Variants in TMEM116 observed in about 807,000 individuals in gnomAD.
TMEM116 encodes the protein transmembrane protein 116.
TMEM116 carries 38 observed loss-of-function variants against 44.3 expected under a neutral mutation model. The ratio of observed to expected loss-of-function variants is 0.86; its 90% CI spans 0.66 to 1.12. TMEM116 has a LOEUF of 1.12. Among genes scored for constraint, TMEM116 ranks in the 50% most tolerant of loss-of-function variants. The pLI is 0.00. For synonymous variants in TMEM116, 132 were observed against 144.8 expected, an observed-to-expected ratio of 0.91 and a Z score of 0.64; for missense variants, 354 against 401.7, an observed-to-expected ratio of 0.88 and a Z score of 1.01.
intron 4 of TMEM116, among the ~76,000 whole-genome samples, chr12:111,970,337 A>G (rs1172987582): frequency 6.6e-6 from 1 of 152,008 alleles, no homozygotes. Flanking sequence ...ACATGGGGGA[A>G]AAAAGCATGC....
intron 8 of TMEM116, 196 bp downstream of exon 8, chr12:111,936,496 T>C: frequency 1.9e-6 from 1 of 537,402 alleles, no homozygotes; most frequent in Non-Finnish European, 3.2e-6. Context: ...AGCTCTTTTC[T>C]CTCTCTTATC....
intron 4 of TMEM116, among the ~76,000 whole-genome samples, chr12:111,953,558 T>C (rs755184241): frequency 6.6e-6 from 1 of 152,126 alleles, no homozygotes; most frequent in Non-Finnish European, 1.5e-5. Flanking sequence ...ATCACAACAT[T>C]GCACATAGGC....
intron 4 of TMEM116, among the ~76,000 whole-genome samples, chr12:111,970,946 C>T (rs1454942049): frequency 6.6e-6 from 1 of 152,154 alleles, no homozygotes; most frequent in East Asian, 1.9e-4. Flanking sequence ...AGAAAAACAA[C>T]ATGTTACGTA....
At chr12:111,936,661 C>T (rs2136233277) in intron 8 of TMEM116, 31 bp downstream of exon 8, 1 of 1,604,334 alleles carries the variant, frequency 6.2e-7, no homozygotes, top group East Asian at 2.2e-5. Context: ...TTCCTCATCT[C>T]TCCACAAAGG....
intron 4 of TMEM116, among the ~76,000 whole-genome samples, chr12:111,969,615 T>C (rs1414041280): frequency 1.3e-5 from 2 of 152,054 alleles, no homozygotes; most frequent in Non-Finnish European, 2.9e-5. Context: ...TCTCGCTCTT[T>C]CGCCCAGGCG....
In TMEM116 at chr12:111,932,574, T is replaced by C. The variant is rs1263791012; in HGVS notation, c.807+12A>G. On this transcript the variant is annotated intron_variant, in intron 10 of 10. Coordinates refer to ENST00000552374, the MANE Select transcript of TMEM116 (RefSeq NM_001193531.2). ...GTGTAAGAACAGAGATACTGAATGT[T>C]GAAGGTGTTACCTGGAGAACATAAA... 1 of 1,610,870 alleles carries C rather than the reference T, an allele frequency of 6.2e-7. No individual in the cohort carries two copies. Among genetic ancestry groups the C allele is most frequent in the Admixed American group, 1.7e-5 (1 of 60,004 alleles).
chr12:111,941,918 T>C (rs1269205307), intron 5 of TMEM116, among the ~76,000 whole-genome samples: 1 of 152,124 alleles, frequency 6.6e-6, no homozygotes, highest in Non-Finnish European at 1.5e-5. Flanking sequence ...TCACATAGAC[T>C]AACATTTCAT....
At chr12:111,946,714 A>G (rs1336656373) in intron 4 of TMEM116, among the ~76,000 whole-genome samples, 1 of 152,188 alleles carries the variant, frequency 6.6e-6, no homozygotes, top group Non-Finnish European at 1.5e-5. Flanking sequence ...TTAAGATACT[A>G]GTTTTCTTGT....
chr12:111,983,013 C>T (rs2076028122), intron 4 of TMEM116, among the ~76,000 whole-genome samples: 1 of 152,116 alleles, frequency 6.6e-6, no homozygotes, highest in Non-Finnish European at 1.5e-5. Context: ...AGGCTGGGCA[C>T]AGTGACTCAT....
intron 1 of TMEM116, chr12:112,011,570 A>T (rs960918698): frequency 6.6e-6 from 1 of 152,244 alleles, no homozygotes; most frequent in African/African-American, 2.4e-5. Context: ...TGTCAATTCC[A>T]TCCATACTTC....
intron 4 of TMEM116, among the ~76,000 whole-genome samples, chr12:111,950,984 A>G (rs2073693341): frequency 6.6e-6 from 1 of 152,374 alleles, no homozygotes; most frequent in African/African-American, 2.4e-5. Context: ...AAATCAACTT[A>G]TAAGAAAAAA....
intron 4 of TMEM116, among the ~76,000 whole-genome samples, chr12:111,981,667 A>G (rs775054150): frequency 6.6e-6 from 1 of 152,240 alleles, no homozygotes; most frequent in Non-Finnish European, 1.5e-5. Flanking sequence ...GTCAAACAGC[A>G]GAGAGAACCA....
chr12:111,991,905 A>G lies in TMEM116; in HGVS notation c.79-16T>C, dbSNP rs924697029. On this transcript the variant is annotated splice_polypyrimidine_tract_variant and intron_variant, in intron 3 of 10. Coordinates refer to ENST00000552374, the MANE Select transcript of TMEM116 (RefSeq NM_001193531.2). ...GTGGTCTTATCTGTCAAAGTAATAA[A>G]ATCCTCATTTCATATGTGATGTAGC... The G allele has an allele frequency of 6.1e-5, 93 of 1,532,872 alleles. No homozygotes were observed. Among genetic ancestry groups the G allele is most frequent in the Non-Finnish European group, 7.9e-5 (90 of 1,144,762 alleles). The allele number at this position is 1,532,872 out of a possible 1,614,324, so 95.0% of individuals were successfully genotyped here.
intron 4 of TMEM116, among the ~76,000 whole-genome samples, chr12:111,983,121 C>A (rs2076036256): frequency 6.6e-6 from 1 of 151,652 alleles, no homozygotes; most frequent in Non-Finnish European, 1.5e-5. Flanking sequence ...CATAGCGAGA[C>A]CTTGTCTATC....
At chr12:111,955,973 T>C (rs2074060781) in intron 4 of TMEM116, among the ~76,000 whole-genome samples, 1 of 152,240 alleles carries the variant, frequency 6.6e-6, no homozygotes, top group Non-Finnish European at 1.5e-5. Flanking sequence ...TGCCTAATGA[T>C]GCATTTTCAG....
In TMEM116 at chr12:111,991,891, T is replaced by G; in HGVS notation, c.79-2A>C. The G allele has an allele frequency of 6.5e-7, 1 of 1,534,514 alleles. No homozygotes were observed. On this transcript the variant is annotated splice_acceptor_variant, in intron 3 of 10. Transcript: ENST00000552374. LOFTEE classifies it high-confidence loss of function. ...GCTCAGATAAAAAAGTGGTCTTATC[T>G]GTCAAAGTAATAAAATCCTCATTTC...
chr12:111,984,321 A>C (rs1030043826), intron 4 of TMEM116, among the ~76,000 whole-genome samples: 1 of 152,184 alleles, frequency 6.6e-6, no homozygotes, highest in Non-Finnish European at 1.5e-5. Context: ...CAGGCACAGA[A>C]AGGCAACCAT....
intron 4 of TMEM116, among the ~76,000 whole-genome samples, chr12:111,971,784 T>G (rs2075354222): frequency 6.6e-6 from 1 of 151,724 alleles, no homozygotes; most frequent in African/African-American, 2.4e-5. Flanking sequence ...AAATTAAAAT[T>G]AAAAAAATAG....
intron 4 of TMEM116, among the ~76,000 whole-genome samples, chr12:111,970,118 T>G (rs952378725): frequency 6.6e-6 from 1 of 151,364 alleles, no homozygotes; most frequent in African/African-American, 2.4e-5. Context: ...ATAGAAAAAT[T>G]AGCTGGGCTT....
Sources: allele counts gnomAD v4.1 joint callset (sites outside exome capture counted in the v4.1 genomes callset), GRCh38; gene constraint gnomAD v4.1.1; transcripts MANE v1.5; gene names NCBI Gene and HGNC (gene_info 2026-07-23, HGNC 2026-07-21).